Variants in PLD1 observed in about 807,000 individuals in gnomAD.
PLD1 encodes the protein choline phosphatase 1.
A neutral mutation model predicts 137.1 loss-of-function variants in PLD1; 112 were observed. The ratio of observed to expected loss-of-function variants is 0.82; its 90% CI spans 0.70 to 0.96. The LOEUF is 0.96. PLD1 is among the 40% of genes least tolerant of loss of function. PLD1 has a pLI of 0.00. For synonymous variants in PLD1, 431 were observed against 454.7 expected (o/e 0.95, Z 0.66); for missense variants, 1,321 against 1,342.0 (o/e 0.98, Z 0.24).
At chr3:171,656,379 C>T (rs964330816) in intron 21 of PLD1, among the ~76,000 whole-genome samples, 18 of 152,104 alleles carry the variant, frequency 1.2e-4, no homozygotes, top group Non-Finnish European at 2.6e-4. Context: ...CCACACTGGT[C>T]AGACTGGTCT....
Position 171,697,237 on chromosome 3 carries a change from CTTTTTTTTTTT to C in PLD1, c.1227+2497_1227+2507del, listed in dbSNP as rs34340739. Among the ~76,000 whole-genome samples, 91 of 97,318 alleles carry C rather than the reference CTTTTTTTTTTT, an allele frequency of 9.4e-4. 2 individuals are homozygous for C. Among genetic ancestry groups the C allele is most frequent in the South Asian group, 5.7e-3 (15 of 2,654 alleles). The allele number at this position is 97,318 out of a possible 152,430, so 63.8% of individuals were successfully genotyped here. A position where few individuals can be genotyped will look rare whatever the true frequency, so the allele number is the denominator to read the frequency against. On this transcript the variant is annotated intron_variant, in intron 12 of 26. Coordinates refer to ENST00000351298, the MANE Select transcript of PLD1 (RefSeq NM_002662.5). ...ACTATCAGAGTCACCTTCCGGACAC[CTTTTTTTTTTT>C]TTTTTTTTTTTTTTGAAACAGAGTC...
chr3:171,781,650 A>G (rs181694761), intron 1 of PLD1, among the ~76,000 whole-genome samples: 18 of 152,338 alleles, frequency 1.2e-4, no homozygotes, highest in African/African-American at 4.1e-4. Context: ...CCATGTTAAT[A>G]TTCACCAGGG....
chr3:171,692,259 C>T (rs2108521114), intron 13 of PLD1, 73 bp downstream of exon 13: 3 of 744,044 alleles, frequency 4.0e-6, no homozygotes, highest in East Asian at 2.5e-5. Context: ...TATTACTGCC[C>T]AGAACAAAAC....
chr3:171,618,321 G>C lies in PLD1; in HGVS notation c.2728+2065C>G, dbSNP rs9851279. On this transcript the variant is annotated intron_variant, in intron 24 of 26. Coordinates refer to ENST00000351298, the MANE Select transcript of PLD1 (RefSeq NM_002662.5). ...AAAACCTCAACAAATTTATTTAACT[G>C]TTAGCTCTGTTACCAAAAACTAATT... Among the ~76,000 whole-genome samples the C allele has an allele frequency of 8.2e-3, 1,248 of 152,304 alleles. 16 individuals carry two copies. The highest frequency in any genetic ancestry group is 0.025 in the African/African-American group (1,023 of 41,572).
intron 1 of PLD1, among the ~76,000 whole-genome samples, chr3:171,807,692 T>TA (rs1288389945): frequency 6.6e-6 from 1 of 152,224 alleles, no homozygotes; most frequent in East Asian, 1.9e-4. Context: ...AAAACGGAAC[T>TA]ACCATTCAAC....
chr3:171,676,935 C>T lies in PLD1; in HGVS notation c.1997-102G>A, dbSNP rs560507178. 303 of 687,848 alleles carry T rather than the reference C, an allele frequency of 4.4e-4. 1 individual carries two copies. The highest frequency in any genetic ancestry group is 7.1e-5 in the Non-Finnish European group (28 of 392,394). The allele number at this position is 687,848 out of a possible 1,614,324, so 42.6% of individuals were successfully genotyped here. On this transcript the variant is annotated intron_variant, in intron 17 of 26. Transcript: ENST00000351298. ...ACTAAAAGGAAACGTGGGTTAGTGCCCACTAGGTATATATTTCTTGGCTTG... is the reference window on the plus strand; with the variant it reads ...ACTAAAAGGAAACGTGGGTTAGTGCTCACTAGGTATATATTTCTTGGCTTG...
At chr3:171,726,099 T>C (rs1430381640) in intron 6 of PLD1, 23 bp from the exon 7 acceptor site, 1 of 1,556,002 alleles carries the variant, frequency 6.4e-7, no homozygotes, top group Admixed American at 1.7e-5. Context: ...AAAAAATCCA[T>C]CTTTAGCAAG....
chr3:171,780,997 A>C (rs1393306899), intron 1 of PLD1, among the ~76,000 whole-genome samples: 1 of 152,224 alleles, frequency 6.6e-6, no homozygotes, highest in Non-Finnish European at 1.5e-5. Flanking sequence ...AGGATTTAGA[A>C]TATCCAGAGC....
chr3:171,690,855 T>G (rs2108517620), intron 13 of PLD1, among the ~76,000 whole-genome samples: 1 of 152,330 alleles, frequency 6.6e-6, no homozygotes, highest in East Asian at 1.9e-4. Context: ...TGGTTTACTG[T>G]ACGTTCAAGT....
chr3:171,733,559 T>A, intron 5 of PLD1, 50 bp from the exon 6 acceptor site: 1 of 735,008 alleles, frequency 1.4e-6, no homozygotes, highest in South Asian at 1.6e-5. Context: ...TATTTATTTT[T>A]AAAAATTAAA....
At chr3:171,723,692 A>C (rs188443771) in intron 8 of PLD1, among the ~76,000 whole-genome samples, 10 of 152,210 alleles carry the variant, frequency 6.6e-5, no homozygotes, top group African/African-American at 2.4e-4. Flanking sequence ...ATCTCATTGT[A>C]GTTTTCATTT....
At chr3:171,693,738 A>G in intron 12 of PLD1, among the ~76,000 whole-genome samples, 1 of 152,138 alleles carries the variant, frequency 6.6e-6, no homozygotes, top group East Asian at 1.9e-4. Flanking sequence ...AATTTTCCAT[A>G]ATACTTTCTA....
intron 3 of PLD1, among the ~76,000 whole-genome samples, chr3:171,737,074 C>T (rs1192960036): frequency 6.6e-6 from 1 of 152,162 alleles, no homozygotes; most frequent in Non-Finnish European, 1.5e-5. Flanking sequence ...TGGCACTGGC[C>T]GATCCAGTAT....
chr3:171,659,424 C>G lies in PLD1; in HGVS notation c.2341-123G>C, dbSNP rs1034519545. 3.7e-5 allele frequency: 24 copies of G among 640,722 alleles called. No homozygotes were observed. In the African/African-American group the frequency reaches 4.4e-4, roughly 12 times the overall value. The allele number at this position is 640,722 out of a possible 1,614,324, so 39.7% of individuals were successfully genotyped here. A position where few individuals can be genotyped will look rare whatever the true frequency, so the allele number is the denominator to read the frequency against. On this transcript the variant is annotated intron_variant, in intron 20 of 26. Transcript: ENST00000351298. ...GCAGATGTGTTCTGATCACTGAAAT[C>G]ACATCAAGAAAGTCAACGACACAGA... is the stretch of plus-strand genomic sequence containing the variant.
chr3:171,756,576 T>C (rs1721048694), intron 1 of PLD1, among the ~76,000 whole-genome samples: 1 of 152,164 alleles, frequency 6.6e-6, no homozygotes, highest in Admixed American at 6.6e-5. Context: ...GAAGGGGTAA[T>C]GAAGAACATG....
intron 1 of PLD1, among the ~76,000 whole-genome samples, chr3:171,744,385 T>G (rs929314772): frequency 2.0e-5 from 3 of 152,186 alleles, no homozygotes; most frequent in African/African-American, 7.2e-5. Context: ...CCATAACCTG[T>G]GAGTCCAGCT....
intron 24 of PLD1, among the ~76,000 whole-genome samples, chr3:171,615,338 G>A (rs1271136148): frequency 2.6e-5 from 4 of 152,176 alleles, no homozygotes; most frequent in Non-Finnish European, 4.4e-5. Context: ...CCTGTTCTGA[G>A]TGCTATTAGA....
At chr3:171,677,062 G>C (rs888624328) in intron 17 of PLD1, among the ~76,000 whole-genome samples, 1 of 152,228 alleles carries the variant, frequency 6.6e-6, no homozygotes, top group Non-Finnish European at 1.5e-5. Flanking sequence ...CTTAGGATTA[G>C]ATAATCACTA....
intron 26 of PLD1, 71 bp from the exon 27 acceptor site, chr3:171,603,373 T>C: frequency 9.8e-7 from 1 of 1,024,916 alleles, no homozygotes. Flanking sequence ...TGGAAAATAA[T>C]TATTCCAACA....
Sources: gnomAD v4.1 joint callset for allele counts (sites outside exome capture counted in the v4.1 genomes callset) on GRCh38, gnomAD v4.1.1 for gene constraint, MANE v1.5 for transcripts, NCBI Gene and HGNC (gene_info 2026-07-23, HGNC 2026-07-21) for gene names.